SLC2A11: variants seen among roughly 807,000 people sequenced by gnomAD.
The protein encoded by SLC2A11 is solute carrier family 2, facilitated glucose transporter member 11.
Under a neutral mutation model 52.1 loss-of-function variants are expected in SLC2A11, and 43 were observed. That is an observed-to-expected ratio of 0.82 (90% CI 0.65 to 1.06). The LOEUF (loss-of-function observed/expected upper bound fraction) is 1.06, where lower values mean the gene tolerates loss of function less well. SLC2A11 is among the 50% of genes least tolerant of loss of function. The probability of loss-of-function intolerance (pLI) is 0.00; values close to 1 mark genes in which losing one functional copy is unlikely to be tolerated. For missense variants in SLC2A11, 582 were observed against 654.2 expected, an observed-to-expected ratio of 0.89 and a Z score of 1.20; for synonymous variants, 261 against 277.6, an observed-to-expected ratio of 0.94 and a Z score of 0.59.
intron 3 of SLC2A11, chr22:23,870,432 A>G (rs1203734652): frequency 5.1e-6 from 1 of 196,312 alleles, no homozygotes; most frequent in East Asian, 1.5e-4. Flanking sequence ...GAACACAACC[A>G]TCTTGGTGAC....
chr22:23,875,112 C>T lies in SLC2A11; in HGVS notation c.291-5C>T. ...TCTCTTTCTGTGTGTTTCACTTCCC[C>T]CAAGGAAGAAGTCCCTCCTGGTGAA... On this transcript the variant is annotated splice_region_variant and splice_polypyrimidine_tract_variant and intron_variant, in intron 3 of 11. Transcript: ENST00000316185. 1 of 1,570,254 alleles carries T rather than the reference C, an allele frequency of 6.4e-7. No individual in the cohort carries two copies. The highest frequency in any genetic ancestry group is 2.3e-5 in the East Asian group (1 of 43,480).
chr22:23,885,334 G>C lies in SLC2A11; in HGVS notation c.*485G>C, dbSNP rs2032965870. 5.6e-6 allele frequency: 1 copy of C among 178,986 alleles called. No homozygotes were observed. Among genetic ancestry groups the C allele is most frequent in the African/African-American group, 2.3e-5 (1 of 42,584 alleles). The allele number at this position is 178,986 out of a possible 1,614,324, so 11.1% of individuals were successfully genotyped here. On this transcript the variant is annotated 3_prime_UTR_variant, in exon 12 of 12. Transcript: ENST00000316185. ...CACACCACTGCATGCCAGACTGGGT[G>C]ACAGAGGGAGACTTCATCTCTTTAA...
At chr22:23,883,505 C>CA (rs1285729063) in intron 8 of SLC2A11, 15 of 460,612 alleles carry the variant, frequency 3.3e-5, no homozygotes, top group South Asian at 2.5e-4. Context: ...CTGTCTCAAT[C>CA]AATCAATCAA....
intron 1 of SLC2A11, among the ~76,000 whole-genome samples, chr22:23,859,869 C>T (rs1454560715): frequency 6.6e-6 from 1 of 152,238 alleles, no homozygotes; most frequent in African/African-American, 2.4e-5. Context: ...AAACATCCTT[C>T]TGTCATGAAA....
At chr22:23,859,292 A>G (rs1360321202) in intron 1 of SLC2A11, among the ~76,000 whole-genome samples, 1 of 152,188 alleles carries the variant, frequency 6.6e-6, no homozygotes, top group Admixed American at 6.5e-5. Context: ...TATTGGAACT[A>G]TGGGCAGCCA....
In SLC2A11 at chr22:23,862,124, C is replaced by G; in HGVS notation, c.51C>G (p.Leu17=). 1 of 1,614,168 alleles carries G rather than the reference C, an allele frequency of 6.2e-7. No homozygotes were observed. The highest frequency in any genetic ancestry group is 8.5e-7 in the Non-Finnish European group (1 of 1,180,026). The change falls in exon 2 of 12, where the codon CTC becomes CTG. Residue 17 remains leucine, a synonymous_variant. Coordinates refer to ENST00000316185, the MANE Select transcript of SLC2A11 (RefSeq NM_001024939.4). The part of the protein sequence containing the change: ...RSRMIQGRIL[L]LTICAAGIGG... ...CTCAGATTCAGGGCAGGATCCTGCT[C>G]CTGACCATCTGCGCTGCCGGCATTG...
Position 23,883,801 on chromosome 22 carries a change from C to A in SLC2A11, c.1023C>A (p.Arg341=). ...TGGTAATCGAGAGGGTGGGTCGGCG[C>A]GTGCTGCTCATCGGTGGGTACAGCC... The part of the protein sequence containing the change: ...SCVVIERVGR[R]VLLIGGYSLM... The change falls in exon 9 of 12, where the codon CGC becomes CGA. Residue 341 remains arginine (R), a synonymous_variant. Coordinates refer to ENST00000316185, the MANE Select transcript of SLC2A11 (RefSeq NM_001024939.4). 6.4e-7 allele frequency: 1 copy of A among 1,555,798 alleles called. No individual in the cohort carries two copies. The highest frequency in any genetic ancestry group is 1.2e-5 in the South Asian group (1 of 82,738).
At position 23,861,092 on chromosome 22, in the gene SLC2A11, G is replaced by T. The variant is rs530929437; in HGVS notation, c.31-1012G>T. Among the ~76,000 whole-genome samples the T allele has an allele frequency of 5.1e-4, 77 of 151,820 alleles. 1 individual carries two copies. The highest frequency in any genetic ancestry group is 7.1e-4 in the Non-Finnish European group (48 of 67,890). On this transcript the variant is annotated intron_variant, in intron 1 of 11. Transcript: ENST00000316185. ...AATCTCCTGACCTCGTGATCCGCCC[G>T]CCTCGGCCTCCCAAAGTGCTGGGAT...
chr22:23,860,105 G>A (rs2031996567), intron 1 of SLC2A11, among the ~76,000 whole-genome samples: 1 of 152,168 alleles, frequency 6.6e-6, no homozygotes, highest in African/African-American at 2.4e-5. Flanking sequence ...CTTAACAAAC[G>A]TGTCATTTTG....
In SLC2A11 at chr22:23,877,787, C is replaced by T. The variant is rs1270153797; in HGVS notation, c.612C>T (p.Leu204=). 2 of 1,610,402 alleles carry T rather than the reference C, an allele frequency of 1.2e-6. No homozygotes were observed. The highest frequency in any genetic ancestry group is 3.4e-5 in the Admixed American group (2 of 59,598). The part of the protein sequence containing the change: ...LLASCLVPGA[L]QLASLPLLPE... ...CCAGCTGCCTGGTGCCCGGGGCGCTCCAGCTCGCCTCCCTGCCTCTGCTCC... is the reference window on the plus strand; with the variant it reads ...CCAGCTGCCTGGTGCCCGGGGCGCTTCAGCTCGCCTCCCTGCCTCTGCTCC... Residue 204 remains leucine (L), a synonymous_variant, in exon 6 of 12, where the codon CTC becomes CTT. Transcript: ENST00000316185.
chr22:23,857,705 T>G, upstream of SLC2A11: 1 of 706,200 alleles, frequency 1.4e-6, no homozygotes, highest in Non-Finnish European at 1.7e-6. Flanking sequence ...CTAGCGGCTC[T>G]GCGCTTCACT....
At chr22:23,869,749 A>T (rs1277062449) in intron 3 of SLC2A11, 2 of 464,246 alleles carry the variant, frequency 4.3e-6, no homozygotes, top group Non-Finnish European at 7.5e-6. Context: ...ACTTTCTCAC[A>T]GTTCTGGAGG....
rs2032906277 is a variant in SLC2A11 at position 23,883,775 on chromosome 22, G to A, written c.997G>A (p.Val333Met). 5.9e-6 allele frequency: 9 copies of A among 1,532,172 alleles called. No homozygotes were observed. Among genetic ancestry groups the A allele is most frequent in the Non-Finnish European group, 7.9e-6 (9 of 1,143,146 alleles). The allele number at this position is 1,532,172 out of a possible 1,614,324, so 94.9% of individuals were successfully genotyped here. A position where few individuals can be genotyped will look rare whatever the true frequency, so the allele number is the denominator to read the frequency against. The stretch of plus-strand genomic sequence containing the variant: ...TCTGTGCTTTCTGCCTTTGCAGTGT[G>A]TGGTAATCGAGAGGGTGGGTCGGCG... ...CELLTAVVSC[V>M]VIERVGRRVL... Residue 333 changes from valine (V) to methionine (M), a missense_variant, in exon 9 of 12, where the codon GTG (valine) becomes ATG (methionine). By Grantham distance (21) the Val-to-Met change is conservative (BLOSUM62 1). Coordinates refer to ENST00000316185, the MANE Select transcript of SLC2A11 (RefSeq NM_001024939.4).
chr22:23,871,954 T>C (rs2032471639), intron 3 of SLC2A11: 1 of 151,890 alleles, frequency 6.6e-6, no homozygotes, highest in African/African-American at 2.4e-5. Context: ...CACCCAGTTA[T>C]GATGAGTACA....
upstream of SLC2A11, chr22:23,857,599 TC>T (rs1225512873): frequency 2.8e-5 from 26 of 943,532 alleles, no homozygotes; most frequent in African/African-American, 7.9e-5. Context: ...CGGCGGCGAC[TC>T]CCCCCCAACA....
chr22:23,877,048 G>T lies in SLC2A11; in HGVS notation c.422G>T (p.Ser141Ile). Reference protein sequence around the residue: ...RLLVGVNAGVSMNIQPMYLGE... With the variant: ...RLLVGVNAGVIMNIQPMYLGE... ...CTGCTGTGCACACGTCCAGGTGTGA[G>T]CATGAACATCCAGCCCATGTACCTG... Residue 141 changes from serine to isoleucine, a missense_variant, in exon 5 of 12, where the codon AGC (serine) becomes ATC (isoleucine). Physicochemically the swap from Ser to Ile is moderately radical, Grantham distance 142 (BLOSUM62 -2). Transcript: ENST00000316185. 6.2e-7 allele frequency: 1 copy of T among 1,613,962 alleles called. No homozygotes were observed. The highest frequency in any genetic ancestry group is 2.2e-5 in the East Asian group (1 of 44,878).
In SLC2A11 at chr22:23,877,337, A is replaced by G. The variant is rs1002644264; in HGVS notation, c.545+166A>G. ...TCTGCTGCCAATTCACGAAATGGGT[A>G]TCAGTCAACACACTGCAATGTGAAT... On this transcript the variant is annotated intron_variant, in intron 5 of 11. Transcript: ENST00000316185. 4.4e-6 allele frequency: 5 copies of G among 1,131,860 alleles called. No individual in the cohort carries two copies. In the African/African-American group the frequency reaches 6.1e-5, roughly 14 times the overall value. 70.1% of individuals were successfully genotyped at this position (1,131,860 alleles called of 1,614,324 possible).
intron 4 of SLC2A11, among the ~76,000 whole-genome samples, chr22:23,875,648 G>A (rs913523816): frequency 6.6e-6 from 1 of 152,176 alleles, no homozygotes; most frequent in Non-Finnish European, 1.5e-5. Flanking sequence ...TCATGTGAGA[G>A]AGCAGAATTT....
At position 23,884,590 on chromosome 22, in the gene SLC2A11, C is replaced by A; in HGVS notation, c.1300-59C>A. The A allele has an allele frequency of 6.4e-7, 1 of 1,570,354 alleles. No homozygotes were observed. Among genetic ancestry groups the A allele is most frequent in the Non-Finnish European group, 8.6e-7 (1 of 1,156,502 alleles). ...ATGCCTCCTCACGACCTGTCATGGG[C>A]CTTCTGTTTAGGGGTTGATGGAGAC... is the stretch of plus-strand genomic sequence containing the variant. On this transcript the variant is annotated intron_variant, in intron 11 of 11. Coordinates refer to ENST00000316185, the MANE Select transcript of SLC2A11 (RefSeq NM_001024939.4). The surrounding 1 kb of genome is among the most constrained non-coding windows in gnomAD (Gnocchi z 4.3).
Sources: gnomAD v4.1 joint callset for allele counts (sites outside exome capture counted in the v4.1 genomes callset) on GRCh38, gnomAD v4.1.1 for gene constraint, Gnocchi (gnomAD v3.1) non-coding constraint, MANE v1.5 for transcripts, NCBI Gene and HGNC (gene_info 2026-07-23, HGNC 2026-07-21) for gene names.